The following ABCC4 variants were observed in gnomAD, a reference collection of about 807,000 sequenced individuals.
ABCC4 encodes the protein ATP-binding cassette sub-family C member 4.
A neutral mutation model predicts 168.5 loss-of-function variants in ABCC4; 102 were observed. That is an observed-to-expected ratio of 0.61 (90% CI 0.52 to 0.71). ABCC4 has a LOEUF of 0.71. Among genes scored for constraint, ABCC4 ranks in the 30% least tolerant of loss-of-function variants. The pLI, the probability that ABCC4 is intolerant of heterozygous loss-of-function variation, is 0.00. For missense variants in ABCC4, 1,402 were observed against 1,605.8 expected (o/e 0.87, Z 2.17); for synonymous variants, 617 against 590.7 (o/e 1.04, Z -0.65).
intron 17 of ABCC4, 31 bp from the exon 18 acceptor site, chr13:95,163,247 G>T: frequency 7.2e-7 from 1 of 1,388,090 alleles, no homozygotes; most frequent in Non-Finnish European, 1.0e-6. Context: ...AAAATATTAA[G>T]CTATATATGA....
chr13:95,151,945 G>A, intron 19 of ABCC4, among the ~76,000 whole-genome samples: 1 of 152,262 alleles, frequency 6.6e-6, no homozygotes, highest in Middle Eastern at 3.4e-3. Flanking sequence ...GATTTTAAAT[G>A]GATTAATTCC....
intron 1 of ABCC4, among the ~76,000 whole-genome samples, chr13:95,291,840 G>A (rs988157525): frequency 1.5e-4 from 22 of 151,442 alleles, no homozygotes; most frequent in African/African-American, 4.9e-4. Context: ...CCAGCTACTC[G>A]GGAGGCTGAG....
intron 19 of ABCC4, among the ~76,000 whole-genome samples, chr13:95,125,914 G>A (rs565893704): frequency 1.1e-4 from 17 of 152,288 alleles, no homozygotes; most frequent in African/African-American, 4.1e-4. Flanking sequence ...GCATCCAGAA[G>A]GTACAGATCC....
At chr13:95,087,213 A>AAACAAACAAAC (rs1484947418) in intron 20 of ABCC4, among the ~76,000 whole-genome samples, 1 of 152,156 alleles carries the variant, frequency 6.6e-6, no homozygotes, top group African/African-American at 2.4e-5. Flanking sequence ...CTAAAACAAA[A>AAACAAACAAAC]AACAAACAAA....
chr13:95,181,572 C>T (rs1013552029), intron 11 of ABCC4, among the ~76,000 whole-genome samples: 6 of 152,198 alleles, frequency 3.9e-5, no homozygotes, highest in African/African-American at 1.4e-4. Context: ...TGTGTGTACT[C>T]AGCTTCTTGC....
intron 29 of ABCC4, among the ~76,000 whole-genome samples, chr13:95,035,121 A>G (rs914367671): frequency 3.9e-5 from 6 of 152,204 alleles, no homozygotes; most frequent in Non-Finnish European, 7.3e-5. Context: ...TTCTTGATTT[A>G]AGAAAGTCAA....
At chr13:95,233,353 G>A (rs1260982007) in intron 4 of ABCC4, among the ~76,000 whole-genome samples, 5 of 149,444 alleles carry the variant, frequency 3.3e-5, no homozygotes, top group Non-Finnish European at 7.4e-5. Flanking sequence ...TTGCAGCCAC[G>A]TGGATGCAGC....
At chr13:95,129,158 T>C (rs1339321099) in intron 19 of ABCC4, among the ~76,000 whole-genome samples, 1 of 152,142 alleles carries the variant, frequency 6.6e-6, no homozygotes, top group East Asian at 1.9e-4. Context: ...TGCATTTACC[T>C]CTCTTTAAAG....
At chr13:95,121,658 C>T (rs1008785950) in intron 19 of ABCC4, among the ~76,000 whole-genome samples, 7 of 152,062 alleles carry the variant, frequency 4.6e-5, no homozygotes, top group Non-Finnish European at 8.8e-5. Context: ...ATCTGCTCAC[C>T]TCTGCCTCCC....
At chr13:95,087,213 A>C (rs944182269) in intron 20 of ABCC4, among the ~76,000 whole-genome samples, 2 of 152,274 alleles carry the variant, frequency 1.3e-5, no homozygotes, top group African/African-American at 4.8e-5. Flanking sequence ...CTAAAACAAA[A>C]AACAAACAAA....
intron 1 of ABCC4, among the ~76,000 whole-genome samples, chr13:95,248,875 T>C (rs1400554485): frequency 2.0e-5 from 3 of 151,800 alleles, no homozygotes; most frequent in African/African-American, 4.8e-5. Flanking sequence ...CCATCTCTAG[T>C]AAGAAAATAT....
intron 23 of ABCC4, 110 bp downstream of exon 23, chr13:95,074,104 T>A: frequency 1.2e-6 from 1 of 817,778 alleles, no homozygotes; most frequent in South Asian, 1.9e-5. Context: ...ATACACTTCA[T>A]TAGGACCAAA....
At chr13:95,126,446 C>G in intron 19 of ABCC4, among the ~76,000 whole-genome samples, 1 of 152,018 alleles carries the variant, frequency 6.6e-6, no homozygotes, top group South Asian at 2.1e-4. Flanking sequence ...TCGGCTCTAT[C>G]TCTAATCCAC....
intron 22 of ABCC4, 113 bp downstream of exon 22, chr13:95,075,319 G>T (rs1417077201): frequency 7.1e-7 from 1 of 1,409,174 alleles, no homozygotes; most frequent in Non-Finnish European, 9.7e-7. Flanking sequence ...AAAAAAGCAG[G>T]ATGTGGGGCT....
chr13:95,266,668 C>T (rs1285572950), intron 1 of ABCC4, among the ~76,000 whole-genome samples: 2 of 152,092 alleles, frequency 1.3e-5, no homozygotes, highest in East Asian at 1.9e-4. Flanking sequence ...CAACAAGCGA[C>T]AGGCTCTCGG....
chr13:95,296,593 A>C (rs2041541239), intron 1 of ABCC4, among the ~76,000 whole-genome samples: 1 of 151,932 alleles, frequency 6.6e-6, no homozygotes, highest in Admixed American at 6.6e-5. Context: ...GGATTTAACC[A>C]CTTTCTGTGG....
In ABCC4 at chr13:95,157,213, CAG is replaced by C. The variant is rs1460581371; in HGVS notation, c.2455+3974_2455+3975del. On this transcript the variant is annotated intron_variant, in intron 19 of 30. Coordinates refer to ENST00000645237, the MANE Select transcript of ABCC4 (RefSeq NM_005845.5). ...TGGGGGCCCAGCCCGCTCCCAACAGCAGACAGAGCATGGTTGCCCCTCAGACC... is the reference window on the plus strand; with the variant it reads ...TGGGGGCCCAGCCCGCTCCCAACAGCACAGAGCATGGTTGCCCCTCAGACC... Among the ~76,000 whole-genome samples the C allele has an allele frequency of 2.0e-5, 3 of 152,024 alleles. No individual in the cohort carries two copies. The East Asian group carries it at 5.8e-4, about 29-fold the overall frequency.
intron 21 of ABCC4, 28 bp downstream of exon 21, chr13:95,083,112 C>T (rs200780069): frequency 3.3e-5 from 53 of 1,611,210 alleles, no homozygotes; most frequent in Non-Finnish European, 4.3e-5. Flanking sequence ...GCTAGCATGT[C>T]TATACCAACC....
chr13:95,133,823 T>A (rs2036054931), intron 19 of ABCC4, among the ~76,000 whole-genome samples: 1 of 152,146 alleles, frequency 6.6e-6, no homozygotes, highest in Non-Finnish European at 1.5e-5. Flanking sequence ...ATGAAGAGGA[T>A]GTGGGTAAGC....
Sources: gnomAD v4.1 joint callset for allele counts (sites outside exome capture counted in the v4.1 genomes callset) on GRCh38, gnomAD v4.1.1 for gene constraint, MANE v1.5 for transcripts, NCBI Gene and HGNC (gene_info 2026-07-23, HGNC 2026-07-21) for gene names.